XKR4: variants seen among roughly 807,000 people sequenced by gnomAD.
The protein encoded by XKR4 is XK related 4, also known as XK-related protein 4.
Under a neutral mutation model 53.9 loss-of-function variants are expected in XKR4, and 12 were observed. The observed-to-expected ratio is 0.22, with a 90% CI of 0.14 to 0.36. The LOEUF (loss-of-function observed/expected upper bound fraction) is 0.36. XKR4 is among the 10% of genes least tolerant of loss of function. The pLI, the probability that XKR4 is intolerant of heterozygous loss-of-function variation, is 1.00. For missense variants in XKR4, 799 were observed against 859.5 expected (o/e 0.93, Z 0.88); for synonymous variants, 354 against 362.4 (o/e 0.98, Z 0.26).
intron 1 of XKR4, among the ~76,000 whole-genome samples, chr8:55,317,483 T>A (rs1819494625): frequency 6.6e-6 from 1 of 152,180 alleles, no homozygotes; most frequent in Admixed American, 6.5e-5. Context: ...TTAGAAAAAA[T>A]AACTCATACT....
chr8:55,290,130 ATTT>A (rs1203712190), intron 1 of XKR4, among the ~76,000 whole-genome samples: 1 of 137,892 alleles, frequency 7.3e-6, no homozygotes, highest in Admixed American at 7.3e-5. Flanking sequence ...CTTTAATTTA[ATTT>A]TTTTTTTTTT....
In XKR4 at chr8:55,539,361, A is replaced by G. The variant is rs556032079; in HGVS notation, c.*15134A>G. Reference sequence around the variant, plus strand: ...AAATGTGCACACTCTTAAAAACACAAAATGGGTTTCAGAAAGTTTACCTTG... The same window carrying G: ...AAATGTGCACACTCTTAAAAACACAGAATGGGTTTCAGAAAGTTTACCTTG... On this transcript the variant is annotated 3_prime_UTR_variant, in exon 3 of 3. Coordinates refer to ENST00000327381, the MANE Select transcript of XKR4 (RefSeq NM_052898.2). 1 of 152,328 alleles carries G rather than the reference A, an allele frequency of 6.6e-6. No individual in the cohort carries two copies. Among genetic ancestry groups the G allele is most frequent in the African/African-American group, 2.4e-5 (1 of 41,586 alleles). 9.4% of individuals were successfully genotyped at this position (152,328 alleles called of 1,614,324 possible). A position where few individuals can be genotyped will look rare whatever the true frequency, so the allele number is the denominator to read the frequency against.
chr8:55,167,169 G>A (rs978971115), intron 1 of XKR4, among the ~76,000 whole-genome samples: 1 of 152,206 alleles, frequency 6.6e-6, no homozygotes, highest in Non-Finnish European at 1.5e-5. Context: ...GCAAATGGCA[G>A]AATTGAGTAG....
intron 1 of XKR4, among the ~76,000 whole-genome samples, chr8:55,203,801 A>G (rs1817607032): frequency 6.6e-6 from 1 of 152,110 alleles, no homozygotes; most frequent in Admixed American, 6.5e-5. Context: ...TGACTCATAA[A>G]GGGGTTTCTG....
At chr8:55,315,128 G>A (rs1258460930) in intron 1 of XKR4, among the ~76,000 whole-genome samples, 1 of 152,242 alleles carries the variant, frequency 6.6e-6, no homozygotes, top group African/African-American at 2.4e-5. Context: ...TGATACCTGA[G>A]TGGAATGGGA....
intron 1 of XKR4, among the ~76,000 whole-genome samples, chr8:55,289,321 A>G (rs944627031): frequency 6.6e-6 from 1 of 151,876 alleles, no homozygotes; most frequent in African/African-American, 2.4e-5. Flanking sequence ...GTTTGAGACC[A>G]GGCTGCCCAA....
intron 1 of XKR4, among the ~76,000 whole-genome samples, chr8:55,225,678 C>T (rs1234079067): frequency 6.6e-6 from 1 of 152,190 alleles, no homozygotes; most frequent in African/African-American, 2.4e-5. Context: ...TAGTGAATGC[C>T]CACATGAACG....
At chr8:55,449,635 C>G (rs1224527813) in intron 2 of XKR4, 4 of 1,003,072 alleles carry the variant, frequency 4.0e-6, no homozygotes, top group Non-Finnish European at 6.4e-6. Flanking sequence ...CATCCACGCT[C>G]TTAGGGGCAC....
intron 1 of XKR4, chr8:55,164,847 C>G (rs1334302621): frequency 5.9e-6 from 1 of 170,840 alleles, no homozygotes; most frequent in South Asian, 1.4e-4. Context: ...AAATAAGTGC[C>G]AGTCCTTATA....
Position 55,259,792 on chromosome 8 carries a change from A to G in XKR4, c.807-97886A>G, listed in dbSNP as rs148120563. Among the ~76,000 whole-genome samples the G allele has an allele frequency of 5.1e-4, 78 of 152,312 alleles. 1 individual carries two copies. In the East Asian group the frequency reaches 0.012, roughly 23 times the overall value. ...CCTGAATCCTAACAGACTTTATTAC[A>G]TTTAGAAATGGGAAATTCTAATTAA... is the stretch of plus-strand genomic sequence containing the variant. On this transcript the variant is annotated intron_variant, in intron 1 of 2. Coordinates refer to ENST00000327381, the MANE Select transcript of XKR4 (RefSeq NM_052898.2).
chr8:55,253,995 T>C (rs1351412568), intron 1 of XKR4, among the ~76,000 whole-genome samples: 1 of 152,004 alleles, frequency 6.6e-6, no homozygotes, highest in African/African-American at 2.4e-5. Flanking sequence ...GCTGGAATTA[T>C]AGGCGCGAGC....
intron 2 of XKR4, among the ~76,000 whole-genome samples, chr8:55,461,372 G>A (rs1805655232): frequency 6.6e-6 from 1 of 152,252 alleles, no homozygotes; most frequent in Non-Finnish European, 1.5e-5. Flanking sequence ...AGGGTCTGGA[G>A]TGGACCTCCA....
intron 1 of XKR4, among the ~76,000 whole-genome samples, chr8:55,321,450 T>G (rs1267901001): frequency 6.6e-6 from 1 of 152,108 alleles, no homozygotes; most frequent in Non-Finnish European, 1.5e-5. Context: ...AAAACAAAGC[T>G]GTTCTCACGG....
chr8:55,301,655 C>G (rs957786934), intron 1 of XKR4, among the ~76,000 whole-genome samples: 26 of 152,142 alleles, frequency 1.7e-4, no homozygotes, highest in Admixed American at 2.0e-4. Flanking sequence ...TCTCCAGCAC[C>G]TGTTGTTTCC....
At chr8:55,250,725 A>C (rs568240007) in intron 1 of XKR4, among the ~76,000 whole-genome samples, 101 of 152,356 alleles carry the variant, frequency 6.6e-4, no homozygotes, top group Non-Finnish European at 1.1e-3. Context: ...AATGGAAAAA[A>C]ATGTACTAGC....
At chr8:55,240,803 T>C (rs144139534) in intron 1 of XKR4, among the ~76,000 whole-genome samples, 1 of 152,322 alleles carries the variant, frequency 6.6e-6, no homozygotes, top group African/African-American at 2.4e-5. Context: ...CCAAGATACA[T>C]GTGACTCATG....
chr8:55,462,582 C>T (rs1805679502), intron 2 of XKR4, among the ~76,000 whole-genome samples: 2 of 152,094 alleles, frequency 1.3e-5, no homozygotes, highest in Admixed American at 1.3e-4. Flanking sequence ...AGCAAAATAA[C>T]CAGCTAACAT....
chr8:55,211,170 C>T (rs747763122), intron 1 of XKR4, among the ~76,000 whole-genome samples: 10 of 152,222 alleles, frequency 6.6e-5, no homozygotes, highest in Non-Finnish European at 1.3e-4. Flanking sequence ...TCTCCTCTCT[C>T]ACATTCAAAT....
intron 2 of XKR4, among the ~76,000 whole-genome samples, chr8:55,445,171 C>A (rs1805326423): frequency 6.6e-6 from 1 of 152,166 alleles, no homozygotes; most frequent in South Asian, 2.1e-4. Flanking sequence ...CATTCTCCTG[C>A]CTCAGCCTCC....
Sources: allele counts gnomAD v4.1 joint callset (sites outside exome capture counted in the v4.1 genomes callset), GRCh38; gene constraint gnomAD v4.1.1; transcripts MANE v1.5; gene names NCBI Gene and HGNC (gene_info 2026-07-23, HGNC 2026-07-21).